The following SYNDIG1 variants were observed in gnomAD, a reference collection of about 807,000 sequenced individuals.
SYNDIG1 encodes the protein synapse differentiation-inducing gene protein 1.
A neutral mutation model predicts 19.4 loss-of-function variants in SYNDIG1; 9 were observed. That is an observed-to-expected ratio of 0.46 (90% confidence interval 0.28 to 0.81). SYNDIG1 has a LOEUF of 0.81. Ranked by LOEUF, SYNDIG1 falls within the 30% of genes least tolerant of loss-of-function variation. The pLI, the probability that SYNDIG1 is intolerant of heterozygous loss-of-function variation, is 0.12. For missense variants in SYNDIG1, 311 were observed against 343.3 expected (o/e 0.91, Z 0.74); for synonymous variants, 141 against 145.9 (o/e 0.97, Z 0.24).
chr20:24,555,983 G>T (rs546383579), intron 2 of SYNDIG1, among the ~76,000 whole-genome samples: 1 of 152,124 alleles, frequency 6.6e-6, no homozygotes, highest in Non-Finnish European at 1.5e-5. Flanking sequence ...ATGAATCTGG[G>T]TGCTCCTCTA....
At chr20:24,499,088 G>T (rs150315411) in intron 1 of SYNDIG1, among the ~76,000 whole-genome samples, 1 of 152,174 alleles carries the variant, frequency 6.6e-6, no homozygotes, top group African/African-American at 2.4e-5. Flanking sequence ...GCAGTGGCAC[G>T]ATCTCGGCTC....
At chr20:24,536,905 C>T (rs952294211) in intron 1 of SYNDIG1, among the ~76,000 whole-genome samples, 2 of 152,172 alleles carry the variant, frequency 1.3e-5, no homozygotes, top group African/African-American at 4.8e-5. Flanking sequence ...TCCTGGAGGG[C>T]ATCACACCCT....
chr20:24,541,450 G>C (rs1326942911), intron 1 of SYNDIG1, among the ~76,000 whole-genome samples: 1 of 152,312 alleles, frequency 6.6e-6, no homozygotes, highest in East Asian at 1.9e-4. Flanking sequence ...TTAAGAACTA[G>C]GGACTCAAAT....
At position 24,482,244 on chromosome 20, in the gene SYNDIG1, C is replaced by T. The variant is rs921550954; in HGVS notation, c.-79+12491C>T. Among the ~76,000 whole-genome samples, 3 of 152,158 alleles carry T rather than the reference C, an allele frequency of 2.0e-5. No homozygotes were observed. The South Asian group carries it at 6.2e-4, about 32-fold the overall frequency. Reference sequence around the variant, plus strand: ...TCTGAGATGGAGTCTCACTCTGTCACCCAGGCTGGAGTGCAGTGGTGTGAT... The same window carrying T: ...TCTGAGATGGAGTCTCACTCTGTCATCCAGGCTGGAGTGCAGTGGTGTGAT... On this transcript the variant is annotated intron_variant, in intron 1 of 3. Coordinates refer to ENST00000376862, the MANE Select transcript of SYNDIG1 (RefSeq NM_024893.3).
chr20:24,602,042 C>G (rs2058687095), intron 3 of SYNDIG1, among the ~76,000 whole-genome samples: 1 of 151,418 alleles, frequency 6.6e-6, no homozygotes, highest in African/African-American at 2.4e-5. Flanking sequence ...TTTTTCAGAT[C>G]ACCTACAACC....
At position 24,573,372 on chromosome 20, in the gene SYNDIG1, A is replaced by T. The variant is rs551995299; in HGVS notation, c.481-11484A>T. On this transcript the variant is annotated intron_variant, in intron 2 of 3. Coordinates refer to ENST00000376862, the MANE Select transcript of SYNDIG1 (RefSeq NM_024893.3). ...GGCTCTCCACAGTCCTGTGTGTGTG[A>T]TGCCCACTCCCTACCCCCAGCTTTG... Among the ~76,000 whole-genome samples the T allele has an allele frequency of 2.0e-5, 3 of 152,188 alleles. No homozygotes were observed. The South Asian group carries it at 6.2e-4, about 32-fold the overall frequency.
intron 1 of SYNDIG1, among the ~76,000 whole-genome samples, chr20:24,470,360 C>T (rs2055390650): frequency 6.6e-6 from 1 of 152,184 alleles, no homozygotes; most frequent in African/African-American, 2.4e-5. Context: ...TCCCGACGGG[C>T]GACCGTGGCG....
In SYNDIG1 at chr20:24,594,913, G is replaced by A. The variant is rs188289923; in HGVS notation, c.618+9920G>A. The stretch of plus-strand genomic sequence containing the variant: ...TTATTTATCAGATCTAGGAGCTTTC[G>A]GGTAGAGACTATGGGTTTTTCTAAG... On this transcript the variant is annotated intron_variant, in intron 3 of 3. Transcript: ENST00000376862. Among the ~76,000 whole-genome samples, 32 of 152,272 alleles carry A rather than the reference G, an allele frequency of 2.1e-4. No individual in the cohort carries two copies. In the East Asian group the frequency reaches 4.6e-3, roughly 22 times the overall value.
rs182402209 is a variant in SYNDIG1, at chr20:24,579,759, G to A, written c.481-5097G>A. 3.4e-4 allele frequency among the ~76,000 whole-genome samples: 52 copies of A among 152,312 alleles called. No homozygotes were observed. The Middle Eastern group carries it at 0.01, about 30-fold the overall frequency. ...TGGGACCGCCACCCTTGGATGGTGC[G>A]TGAGATGCTCACCAGAGTCGGTGAG... On this transcript the variant is annotated intron_variant, in intron 2 of 3. Transcript: ENST00000376862.
chr20:24,656,017 C>T (rs1020113417), intron 3 of SYNDIG1, among the ~76,000 whole-genome samples: 1 of 152,210 alleles, frequency 6.6e-6, no homozygotes, highest in Non-Finnish European at 1.5e-5. Context: ...AGTTCCAAAG[C>T]AGGCAAACAG....
intron 1 of SYNDIG1, among the ~76,000 whole-genome samples, chr20:24,522,971 G>A (rs753323560): frequency 5.9e-5 from 9 of 152,174 alleles, no homozygotes; most frequent in African/African-American, 1.2e-4. Flanking sequence ...TCACCCCCAT[G>A]ACCCACACAC....
chr20:24,616,263 G>A (rs892852807), intron 3 of SYNDIG1, among the ~76,000 whole-genome samples: 4 of 152,044 alleles, frequency 2.6e-5, no homozygotes, highest in African/African-American at 4.8e-5. Flanking sequence ...ACACTATTCC[G>A]AGACAGGGGC....
chr20:24,513,652 G>C (rs2056798052), intron 1 of SYNDIG1, among the ~76,000 whole-genome samples: 1 of 152,186 alleles, frequency 6.6e-6, no homozygotes, highest in South Asian at 2.1e-4. Flanking sequence ...CGTCTTATTG[G>C]TGTACCTGAA....
intron 2 of SYNDIG1, among the ~76,000 whole-genome samples, chr20:24,555,252 A>T (rs1168406128): frequency 6.6e-6 from 1 of 152,136 alleles, no homozygotes; most frequent in Non-Finnish European, 1.5e-5. Context: ...TTTCAAAAAA[A>T]CCAGCTCTGG....
chr20:24,486,728 G>C (rs1161935811), intron 1 of SYNDIG1, among the ~76,000 whole-genome samples: 1 of 151,312 alleles, frequency 6.6e-6, no homozygotes, highest in African/African-American at 2.4e-5. Flanking sequence ...GTGCCATCTC[G>C]GTTCCCCGAA....
At chr20:24,629,114 A>G (rs1217544108) in intron 3 of SYNDIG1, among the ~76,000 whole-genome samples, 2 of 152,240 alleles carry the variant, frequency 1.3e-5, no homozygotes, top group African/African-American at 4.8e-5. Flanking sequence ...TGCTCAGCTG[A>G]GAGGCTACAG....
At chr20:24,504,183 C>T (rs560257713) in intron 1 of SYNDIG1, among the ~76,000 whole-genome samples, 1 of 152,262 alleles carries the variant, frequency 6.6e-6, no homozygotes, top group South Asian at 2.1e-4. Flanking sequence ...TAGTCTTGGT[C>T]TCCTGACCTC....
At chr20:24,470,828 T>A (rs1039492039) in intron 1 of SYNDIG1, among the ~76,000 whole-genome samples, 4 of 152,230 alleles carry the variant, frequency 2.6e-5, no homozygotes, top group African/African-American at 9.6e-5. Context: ...AGACTTCAGG[T>A]GCGCACAGTC....
At chr20:24,580,255 C>A (rs957979958) in intron 2 of SYNDIG1, among the ~76,000 whole-genome samples, 3 of 152,156 alleles carry the variant, frequency 2.0e-5, no homozygotes, top group Non-Finnish European at 4.4e-5. Flanking sequence ...ATTTGTGTGG[C>A]CTCTCCTAGG....
Sources: gnomAD v4.1 joint callset for allele counts (sites outside exome capture counted in the v4.1 genomes callset) on GRCh38, gnomAD v4.1.1 for gene constraint, MANE v1.5 for transcripts, NCBI Gene and HGNC (gene_info 2026-07-23, HGNC 2026-07-21) for gene names.